Variants in PATL1 observed in about 807,000 individuals in gnomAD.
PATL1 encodes PAT1 homolog 1, processing body mRNA decay factor, also known as protein PAT1 homolog 1.
In PATL1, 32 loss-of-function variants were observed where a neutral mutation model predicts 100.6. The observed-to-expected ratio is 0.32, with a 90% CI of 0.24 to 0.43. The LOEUF is 0.43. PATL1 is among the 20% of genes least tolerant of loss of function. PATL1 has a pLI of 1.00. For missense variants in PATL1, 747 were observed against 949.9 expected, an observed-to-expected ratio of 0.79 and a Z score of 2.81; for synonymous variants, 332 against 330.0, an observed-to-expected ratio of 1.01 and a Z score of -0.07.
At position 59,657,769 on chromosome 11, in the gene PATL1, G is replaced by A. The variant is rs759178231; in HGVS notation, c.427-45C>T. On this transcript the variant is annotated intron_variant, in intron 4 of 18. Transcript: ENST00000300146. Reference sequence around the variant, plus strand: ...AATAAAATAGAAATTAACTAACTTGGTATGTTTTAGTAATCTCTACAGATG... The same window carrying A: ...AATAAAATAGAAATTAACTAACTTGATATGTTTTAGTAATCTCTACAGATG... The A allele has an allele frequency of 4.2e-6, 6 of 1,438,210 alleles. No homozygotes were observed. In the South Asian group the frequency reaches 8.6e-5, roughly 21 times the overall value. The allele number at this position is 1,438,210 out of a possible 1,614,324, so 89.1% of individuals were successfully genotyped here.
chr11:59,657,890 T>A (rs1464944103), intron 4 of PATL1, among the ~76,000 whole-genome samples, 166 bp from the exon 5 acceptor site: 1 of 152,088 alleles, frequency 6.6e-6, no homozygotes. Flanking sequence ...CTGAGTTTGG[T>A]AAGCGGCTCA....
intron 15 of PATL1, among the ~76,000 whole-genome samples, chr11:59,645,135 T>G (rs1365188521): frequency 7.3e-6 from 1 of 136,968 alleles, no homozygotes; most frequent in Admixed American, 7.5e-5. Flanking sequence ...GGCAGAAGAA[T>G]TTTTCTTAGT....
chr11:59,666,739 T>C (rs1226857753), intron 2 of PATL1, 114 bp downstream of exon 2: 1 of 1,116,244 alleles, frequency 9.0e-7, no homozygotes, highest in Non-Finnish European at 1.2e-6. Context: ...TAGAAGAATA[T>C]CTTGCCAAGT....
At chr11:59,659,541 T>G in intron 2 of PATL1, 72 bp from the exon 3 acceptor site, 1 of 1,401,886 alleles carries the variant, frequency 7.1e-7, no homozygotes, top group Non-Finnish European at 9.6e-7. Context: ...ATTATTGTTT[T>G]TTTTTTTTTA....
chr11:59,640,873 T>C (rs913378441), intron 16 of PATL1, among the ~76,000 whole-genome samples: 3 of 150,538 alleles, frequency 2.0e-5, no homozygotes, highest in Non-Finnish European at 4.4e-5. Context: ...CTGCAAAAAA[T>C]ATAAAAATCA....
rs777506050 is a variant in PATL1, at chr11:59,642,992, T to C, written c.1937A>G (p.His646Arg). The C allele has an allele frequency of 1.2e-6, 2 of 1,613,864 alleles. No homozygotes were observed. The highest frequency in any genetic ancestry group is 1.7e-6 in the Non-Finnish European group (2 of 1,179,834). ...GCTGGTGATACTCACTGATGGAAGATGATAGAGAAGGAGAGAGAAGGGACT... is the reference window on the plus strand; with the variant it reads ...GCTGGTGATACTCACTGATGGAAGACGATAGAGAAGGAGAGAGAAGGGACT... ...LLSPFSLLLY[H>R]LPSVSITSLL... Residue 646 changes from histidine to arginine, a missense_variant, in exon 16 of 19, where the codon CAT becomes CGT. His to Arg is a conservative substitution (Grantham distance 29). Transcript: ENST00000300146.
At chr11:59,642,492 G>A (rs1407382574) in intron 16 of PATL1, among the ~76,000 whole-genome samples, 3 of 152,164 alleles carry the variant, frequency 2.0e-5, no homozygotes, top group Non-Finnish European at 4.4e-5. Flanking sequence ...AAGGAAGATG[G>A]ACAGCTGGTC....
chr11:59,661,651 T>TA (rs1184287588), intron 2 of PATL1, among the ~76,000 whole-genome samples: 1 of 152,170 alleles, frequency 6.6e-6, no homozygotes. Context: ...TCAGAGAAAA[T>TA]ACATGTTTAA....
Position 59,652,476 on chromosome 11 carries a change from C to A in PATL1, c.1414G>T (p.Ala472Ser), listed in dbSNP as rs759975815. ...ATGAGGACCTTACCTGGCTTATAGGCGTGCTCCAGTTTGGCCACCTGAGGG... is the reference window on the plus strand; with the variant it reads ...ATGAGGACCTTACCTGGCTTATAGGAGTGCTCCAGTTTGGCCACCTGAGGG... ...ITPQVAKLEH[A>S]YKPVQFEGSL... Residue 472 changes from alanine to serine, a missense_variant, in exon 11 of 19, where the codon GCC (alanine) becomes TCC (serine). Transcript: ENST00000300146. The A allele has an allele frequency of 5.0e-5, 81 of 1,613,192 alleles. No individual in the cohort carries two copies. Among genetic ancestry groups the A allele is most frequent in the Non-Finnish European group, 6.8e-5 (80 of 1,179,596 alleles).
rs1379861234 is a variant in PATL1 at position 59,656,515 on chromosome 11, T to G, written c.707A>C (p.Gln236Pro). The part of the protein sequence containing the change: ...APYGERMSPN[Q>P]LCSVPNSSLL... ...GTGACATACCGGGACACTGCAGAGC[T>G]GGTTTGGAGACATCCTCTCACCATA... The change falls in exon 6 of 19, where the codon CAG (glutamine) becomes CCG (proline). Residue 236 changes from glutamine (Q) to proline (P), a missense_variant. By Grantham distance (76) the Gln-to-Pro change is moderately conservative. This residue lies in a region of PATL1 where 127 missense variants were observed against 116.0 expected (regional missense o/e 1.09). Coordinates refer to ENST00000300146, the MANE Select transcript of PATL1 (RefSeq NM_152716.3). 4 of 1,613,688 alleles carry G rather than the reference T, an allele frequency of 2.5e-6. No individual in the cohort carries two copies. The highest frequency in any genetic ancestry group is 3.4e-6 in the Non-Finnish European group (4 of 1,179,736).
intron 17 of PATL1, 26 bp from the exon 18 acceptor site, chr11:59,639,223 T>C (rs989207116): frequency 6.2e-7 from 1 of 1,607,978 alleles, no homozygotes; most frequent in African/African-American, 1.3e-5. Flanking sequence ...CATAATAATA[T>C]CAGGAGAAAA....
At chr11:59,653,095 C>A in intron 9 of PATL1, 77 bp from the exon 10 acceptor site, 1 of 1,216,552 alleles carries the variant, frequency 8.2e-7, no homozygotes, top group Non-Finnish European at 1.1e-6. Context: ...TAAACCAGGC[C>A]AGTTTTTTTT....
chr11:59,664,646 C>G (rs1351453802), intron 2 of PATL1, among the ~76,000 whole-genome samples: 2 of 152,212 alleles, frequency 1.3e-5, no homozygotes, highest in Non-Finnish European at 2.9e-5. Flanking sequence ...ACCATCATAG[C>G]TGATGCAGCC....
rs996829959 is a variant in PATL1 at position 59,637,625 on chromosome 11, A to C, written c.*765T>G. 1.3e-5 allele frequency: 2 copies of C among 152,500 alleles called. No homozygotes were observed. The highest frequency in any genetic ancestry group is 4.8e-5 in the African/African-American group (2 of 41,458). The allele number at this position is 152,500 out of a possible 1,614,324, so 9.4% of individuals were successfully genotyped here. A position where few individuals can be genotyped will look rare whatever the true frequency, so the allele number is the denominator to read the frequency against. ...GACATAACCATGTGTTGTTTCGATT[A>C]AGGTGGACAGAAACTAAGGAAATAA... On this transcript the variant is annotated 3_prime_UTR_variant, in exon 19 of 19. Coordinates refer to ENST00000300146, the MANE Select transcript of PATL1 (RefSeq NM_152716.3).
At chr11:59,656,220 C>G (rs1360677504) in intron 6 of PATL1, among the ~76,000 whole-genome samples, 175 bp from the exon 7 acceptor site, 2 of 151,974 alleles carry the variant, frequency 1.3e-5, no homozygotes, top group Non-Finnish European at 2.9e-5. Flanking sequence ...AACACCATGA[C>G]CATGTGACAT....
rs1565135557 is a variant in PATL1, at chr11:59,659,585, GC to G, written c.128-117del. 3 of 948,970 alleles carry G rather than the reference GC, an allele frequency of 3.2e-6. No homozygotes were observed. In the African/African-American group the frequency reaches 5.0e-5, roughly 16 times the overall value. The allele number at this position is 948,970 out of a possible 1,614,324, so 58.8% of individuals were successfully genotyped here. A position where few individuals can be genotyped will look rare whatever the true frequency, so the allele number is the denominator to read the frequency against. On this transcript the variant is annotated intron_variant, in intron 2 of 18. Transcript: ENST00000300146. ...CTCACTCTGTCGCCCAGGCTGCAGTGCAGTGGCGTGATCTCGGCTCACCGCA... is the reference window on the plus strand; with the variant it reads ...CTCACTCTGTCGCCCAGGCTGCAGTGAGTGGCGTGATCTCGGCTCACCGCA...
At chr11:59,649,724 T>A (rs1861414606) in intron 13 of PATL1, 114 bp from the exon 14 acceptor site, 3 of 1,138,670 alleles carry the variant, frequency 2.6e-6, no homozygotes, top group Middle Eastern at 2.1e-4. Flanking sequence ...ATAGAAAGAC[T>A]GAGATTTTTT....
At chr11:59,650,278 TTGG>T (rs1232275462) in intron 13 of PATL1, among the ~76,000 whole-genome samples, 6 of 152,218 alleles carry the variant, frequency 3.9e-5, no homozygotes, top group Non-Finnish European at 7.3e-5. Flanking sequence ...GATTTGCAGC[TTGG>T]TTCTAGAGTC....
chr11:59,663,425 T>G (rs1410310119), intron 2 of PATL1, among the ~76,000 whole-genome samples: 1 of 152,124 alleles, frequency 6.6e-6, no homozygotes, highest in East Asian at 1.9e-4. Flanking sequence ...TCCTTCCAAG[T>G]GGAGGCAGGA....
Sources: allele counts gnomAD v4.1 joint callset (sites outside exome capture counted in the v4.1 genomes callset), GRCh38; gene constraint gnomAD v4.1.1; regional missense constraint gnomAD v4.1.1; transcripts MANE v1.5; gene names NCBI Gene and HGNC (gene_info 2026-07-23, HGNC 2026-07-21).